The following ZFHX3 variants were observed in gnomAD, a reference collection of about 807,000 sequenced individuals.
The protein encoded by ZFHX3 is zinc finger homeobox protein 3.
A neutral mutation model predicts 279.1 loss-of-function variants in ZFHX3; 42 were observed. That is an observed-to-expected ratio of 0.15 (90% CI 0.12 to 0.19). The LOEUF (loss-of-function observed/expected upper bound fraction) is 0.19. Ranked by LOEUF, ZFHX3 falls within the 10% of genes least tolerant of loss-of-function variation. ZFHX3 has a pLI of 1.00. For missense variants in ZFHX3, 4,981 were observed against 4,754.0 expected, an observed-to-expected ratio of 1.05 and a Z score of -1.40; for synonymous variants, 2,293 against 1,957.8, an observed-to-expected ratio of 1.17 and a Z score of -4.52.
chr16:73,501,349 C>A (rs2019235964), intron 2 of ZFHX3, among the ~76,000 whole-genome samples: 1 of 152,318 alleles, frequency 6.6e-6, no homozygotes, highest in Admixed American at 6.5e-5. Context: ...CACTCACGTA[C>A]AGACAATTTG....
At chr16:73,726,647 T>C (rs999356095) in intron 1 of ZFHX3, among the ~76,000 whole-genome samples, 2 of 152,184 alleles carry the variant, frequency 1.3e-5, no homozygotes, top group African/African-American at 4.8e-5. Context: ...AGAGAGCTTT[T>C]ACTCATGGCA....
At chr16:73,302,548 T>C (rs1358547931) in intron 4 of ZFHX3, among the ~76,000 whole-genome samples, 2 of 152,206 alleles carry the variant, frequency 1.3e-5, no homozygotes, top group African/African-American at 4.8e-5. Context: ...AATAAGAGAA[T>C]CATGACTCCG....
chr16:73,210,255 C>T (rs542429835), intron 5 of ZFHX3, among the ~76,000 whole-genome samples: 71 of 152,270 alleles, frequency 4.7e-4, no homozygotes, highest in Admixed American at 1.8e-3. Context: ...ACTGCTGGAT[C>T]GGGTTAGCTG....
chr16:73,572,035 C>T (rs907916945), intron 2 of ZFHX3, among the ~76,000 whole-genome samples: 21 of 152,102 alleles, frequency 1.4e-4, no homozygotes, highest in Admixed American at 1.2e-3. Context: ...TCATCTTAAG[C>T]AGAACAGGAG....
intron 1 of ZFHX3, among the ~76,000 whole-genome samples, chr16:73,811,353 C>T (rs1195588673): frequency 2.0e-5 from 3 of 152,056 alleles, no homozygotes; most frequent in African/African-American, 7.2e-5. Context: ...TAGGTACAGC[C>T]TCAATTTCCC....
intron 1 of ZFHX3, among the ~76,000 whole-genome samples, chr16:73,842,485 G>T (rs1339220359): frequency 6.6e-6 from 1 of 151,998 alleles, no homozygotes; most frequent in Non-Finnish European, 1.5e-5. Context: ...TTTTTGCTAA[G>T]AGTACAGTCT....
At chr16:73,329,753 G>A (rs2015764605) in intron 3 of ZFHX3, among the ~76,000 whole-genome samples, 1 of 152,194 alleles carries the variant, frequency 6.6e-6, no homozygotes, top group African/African-American at 2.4e-5. Context: ...GCAAATCTAA[G>A]TAGGCACCAA....
At chr16:73,530,508 T>C (rs1490710833) in intron 2 of ZFHX3, among the ~76,000 whole-genome samples, 1 of 152,138 alleles carries the variant, frequency 6.6e-6, no homozygotes, top group African/African-American at 2.4e-5. Context: ...ACAATAGGCA[T>C]TTCAGGTTTC....
At chr16:72,896,507 G>A (rs753918906) in intron 3 of ZFHX3, among the ~76,000 whole-genome samples, 50 of 152,218 alleles carry the variant, frequency 3.3e-4, no homozygotes, top group African/African-American at 6.3e-4. Context: ...TTTAAAAGAA[G>A]GGAGACAACA....
At chr16:72,819,689 A>G (rs996011347) in intron 5 of ZFHX3, among the ~76,000 whole-genome samples, 1 of 152,174 alleles carries the variant, frequency 6.6e-6, no homozygotes, top group Admixed American at 6.5e-5. Flanking sequence ...TCCACTTTAA[A>G]TGGCTCTGAT....
chr16:72,795,817 A>T lies in ZFHX3; in HGVS notation c.6865T>A (p.Trp2289Arg). The T allele has an allele frequency of 6.2e-7, 1 of 1,614,182 alleles. No individual in the cohort carries two copies. Among genetic ancestry groups the T allele is most frequent in the African/African-American group, 1.3e-5 (1 of 75,042 alleles). ...GCCTTCTGTCGGGCATTCTGAAACC[A>T]CACCACTATCACTCGGGTTGGAAGG... ...LNLPTRVIVV[W>R]FQNARQKARK... is the part of the protein sequence containing the mutation. The change falls in exon 9 of 10, where the codon TGG (tryptophan) becomes AGG (arginine). Residue 2289 changes from tryptophan (W) to arginine (R), a missense_variant. Trp to Arg is a moderately radical substitution (Grantham distance 101). Transcript: ENST00000268489.
At chr16:72,903,331 C>T (rs2039087048) in intron 3 of ZFHX3, among the ~76,000 whole-genome samples, 1 of 152,190 alleles carries the variant, frequency 6.6e-6, no homozygotes, top group Non-Finnish European at 1.5e-5. Context: ...TTCTCAGACC[C>T]TGTCCAGATC....
intron 1 of ZFHX3, among the ~76,000 whole-genome samples, chr16:73,863,181 G>C (rs1186859620): frequency 6.6e-6 from 1 of 152,150 alleles, no homozygotes; most frequent in African/African-American, 2.4e-5. Context: ...ACTCCAGCCT[G>C]GGCGACAGAG....
At chr16:73,627,144 GA>G (rs1208005094) in intron 2 of ZFHX3, among the ~76,000 whole-genome samples, 2 of 152,122 alleles carry the variant, frequency 1.3e-5, no homozygotes, top group Non-Finnish European at 2.9e-5. Context: ...CCTAAGCAAA[GA>G]AAATTTCACT....
At chr16:73,338,055 T>C (rs1386840964) in intron 3 of ZFHX3, among the ~76,000 whole-genome samples, 1 of 152,162 alleles carries the variant, frequency 6.6e-6, no homozygotes, top group Non-Finnish European at 1.5e-5. Flanking sequence ...ATCAAAACCC[T>C]AACTGATCTT....
intron 3 of ZFHX3, chr16:73,387,152 C>G (rs8044706): frequency 0.85 from 130,017 of 152,144 alleles, 55,936 homozygotes; most frequent in African/African-American, 0.9. Flanking sequence ...TGCTTCCACG[C>G]TACACTAAAA....
intron 4 of ZFHX3, among the ~76,000 whole-genome samples, chr16:73,301,223 C>G (rs933995190): frequency 9.2e-5 from 14 of 152,156 alleles, no homozygotes; most frequent in Non-Finnish European, 7.3e-5. Context: ...ATAAGGACAT[C>G]CTTTGTCTTT....
At chr16:73,141,021 A>T (rs1466615047) in intron 6 of ZFHX3, among the ~76,000 whole-genome samples, 1 of 152,152 alleles carries the variant, frequency 6.6e-6, no homozygotes, top group Non-Finnish European at 1.5e-5. Flanking sequence ...CCCATAGCAT[A>T]ATCTTGTAAT....
intron 3 of ZFHX3, among the ~76,000 whole-genome samples, chr16:73,439,920 A>G (rs2018058865): frequency 6.8e-6 from 1 of 148,028 alleles, no homozygotes; most frequent in East Asian, 1.9e-4. Context: ...AAAAAAAAAA[A>G]AAAAAAAAAA....
Sources: gnomAD v4.1 joint callset for allele counts (sites outside exome capture counted in the v4.1 genomes callset) on GRCh38, gnomAD v4.1.1 for gene constraint, MANE v1.5 for transcripts, NCBI Gene and HGNC (gene_info 2026-07-23, HGNC 2026-07-21) for gene names.